HMCN1: variants seen among roughly 807,000 people sequenced by gnomAD.
The protein encoded by HMCN1 is hemicentin-1.
A neutral mutation model predicts 625.9 loss-of-function variants in HMCN1; 321 were observed. The observed-to-expected ratio is 0.51, with a 90% CI of 0.47 to 0.56. The LOEUF (loss-of-function observed/expected upper bound fraction) is 0.56. Among genes scored for constraint, HMCN1 ranks in the 20% least tolerant of loss-of-function variants. The pLI, the probability that HMCN1 is intolerant of heterozygous loss-of-function variation, is 0.00. For synonymous variants in HMCN1, 2,425 were observed against 2,417.6 expected (o/e 1.00, Z -0.09); for missense variants, 6,588 against 6,887.3 (o/e 0.96, Z 1.54).
At position 186,063,065 on chromosome 1, in the gene HMCN1, TGC is replaced by T. The variant is rs1491097914; in HGVS notation, c.7513+466_7513+467del. On this transcript the variant is annotated intron_variant, in intron 48 of 106. Transcript: ENST00000271588. ...GTGTGTGTGTGTGTGTGTGTGTGTG[TGC>T]ATATATATATATATATATATATATA... is the stretch of plus-strand genomic sequence containing the variant. Among the ~76,000 whole-genome samples, 545 of 81,498 alleles carry T rather than the reference TGC, an allele frequency of 6.7e-3. 2 individuals are homozygous for T. Among genetic ancestry groups the T allele is most frequent in the African/African-American group, 0.01 (202 of 19,770 alleles). 53.5% of individuals were successfully genotyped at this position (81,498 alleles called of 152,430 possible).
intron 11 of HMCN1, among the ~76,000 whole-genome samples, chr1:185,941,126 A>G (rs1038534844): frequency 7.9e-5 from 12 of 152,154 alleles, no homozygotes; most frequent in African/African-American, 2.9e-4. Flanking sequence ...AAGTGCTGAG[A>G]TTACAGGTGT....
intron 80 of HMCN1, among the ~76,000 whole-genome samples, chr1:186,121,350 A>G (rs1661388377): frequency 6.6e-6 from 1 of 152,130 alleles, no homozygotes; most frequent in South Asian, 2.1e-4. Flanking sequence ...GCTCTAGGTA[A>G]TGGTTTAGAG....
chr1:185,919,773 T>A (rs1382274481), intron 6 of HMCN1, among the ~76,000 whole-genome samples: 1 of 152,230 alleles, frequency 6.6e-6, no homozygotes, highest in Non-Finnish European at 1.5e-5. Flanking sequence ...TCTGTTACTT[T>A]GAGCAAGTCA....
At chr1:185,838,593 C>G (rs998886148) in intron 1 of HMCN1, among the ~76,000 whole-genome samples, 4 of 152,066 alleles carry the variant, frequency 2.6e-5, no homozygotes, top group Admixed American at 6.6e-5. Flanking sequence ...GAGGTGGGAA[C>G]ATGCATGAGC....
chr1:186,038,083 G>A (rs1369022253), intron 37 of HMCN1, 48 bp downstream of exon 37: 1 of 1,241,684 alleles, frequency 8.1e-7, no homozygotes, highest in African/African-American at 1.5e-5. Context: ...AGATTTCTGG[G>A]AATAACTGAA....
In HMCN1 at chr1:186,001,480, A is replaced by G. The variant is rs1046407135; in HGVS notation, c.4200+52A>G. ...AATTCCTTGCCTCTGCATCTGAAGT[A>G]GGTTGTTCAGATGTTCATTTCTTAC... On this transcript the variant is annotated intron_variant, in intron 27 of 106. Transcript: ENST00000271588. 8 of 1,604,190 alleles carry G rather than the reference A, an allele frequency of 5.0e-6. No individual in the cohort carries two copies. The African/African-American group carries it at 1.1e-4, about 21-fold the overall frequency.
At position 185,873,191 on chromosome 1, in the gene HMCN1, T is replaced by A. The variant is rs147249254; in HGVS notation, c.621+7328T>A. Among the ~76,000 whole-genome samples the A allele has an allele frequency of 9.2e-3, 1,405 of 152,288 alleles. 30 individuals are homozygous for A. The highest frequency in any genetic ancestry group is 0.033 in the African/African-American group (1,356 of 41,568). The stretch of plus-strand genomic sequence containing the variant: ...TAAAATATCAAGTTTGACTATGAGA[T>A]GTTAGAGATAACTGAATCAGTCAAT... On this transcript the variant is annotated intron_variant, in intron 4 of 106. Transcript: ENST00000271588.
chr1:185,980,218 GA>G (rs1426995410), intron 16 of HMCN1, among the ~76,000 whole-genome samples: 1 of 152,094 alleles, frequency 6.6e-6, no homozygotes, highest in African/African-American at 2.4e-5. Context: ...ATTGTCTACA[GA>G]ATATGAAGAT....
chr1:186,019,693 A>G lies in HMCN1; in HGVS notation c.5623A>G (p.Lys1875Glu), dbSNP rs1475764119. ...TGTGAACACTGCCCAAGGAAACCTT[A>G]AAGTAAGTGTAAATATTACTCAGCC... ...QPVNTAQGNL[K>E]IQSSGRVLQI... The change falls in exon 35 of 107, where the codon AAA becomes GAA. Residue 1875 changes from lysine to glutamate, a missense_variant and splice_region_variant. Physicochemically the swap from Lys to Glu is moderately conservative, Grantham distance 56. This residue lies in a region of HMCN1 where 4,628 missense variants were observed against 4,853.1 expected (regional missense o/e 0.95). Transcript: ENST00000271588. The G allele has an allele frequency of 6.2e-7, 1 of 1,611,004 alleles. No individual in the cohort carries two copies. The highest frequency in any genetic ancestry group is 1.7e-5 in the Admixed American group (1 of 59,888).
intron 29 of HMCN1, 74 bp from the exon 30 acceptor site, chr1:186,007,051 AATG>A (rs1653684903): frequency 9.1e-7 from 1 of 1,101,722 alleles, no homozygotes; most frequent in Non-Finnish European, 1.4e-6. Flanking sequence ...AGCCTGTACT[AATG>A]ATTTTTGTTG....
intron 1 of HMCN1, among the ~76,000 whole-genome samples, chr1:185,756,205 A>G (rs1005784541): frequency 3.9e-5 from 6 of 152,184 alleles, no homozygotes; most frequent in African/African-American, 1.4e-4. Context: ...TTTTGGGAGA[A>G]GAGACAGTTG....
chr1:186,022,984 C>A (rs1415228126), intron 35 of HMCN1, 46 bp from the exon 36 acceptor site: 2 of 1,588,206 alleles, frequency 1.3e-6, no homozygotes, highest in Admixed American at 1.7e-5. Flanking sequence ...TTTTCAAATC[C>A]AAGTATAAGA....
At chr1:185,888,557 A>G (rs1419797424) in intron 4 of HMCN1, among the ~76,000 whole-genome samples, 2 of 145,384 alleles carry the variant, frequency 1.4e-5, no homozygotes, top group Non-Finnish European at 3.0e-5. Flanking sequence ...ACCATTTATT[A>G]AAGAGGGAAT....
At chr1:186,055,794 A>G (rs1373251212) in intron 45 of HMCN1, 120 bp downstream of exon 45, 14 of 985,012 alleles carry the variant, frequency 1.4e-5, no homozygotes, top group Non-Finnish European at 2.1e-5. Context: ...TTTTAAACAT[A>G]TATACCTTTT....
At chr1:185,898,470 CTTTT>C in intron 4 of HMCN1, among the ~76,000 whole-genome samples, 1 of 151,368 alleles carries the variant, frequency 6.6e-6, no homozygotes, top group African/African-American at 2.4e-5. Flanking sequence ...TGTAAGCAGA[CTTTT>C]TTTTTAACTA....
rs111669236 is a variant in HMCN1, at chr1:185,977,842, T to C, written c.2427T>C (p.Asn809=). Residue 809 remains asparagine (N), a synonymous_variant, in exon 16 of 107, where the codon AAT becomes AAC. Transcript: ENST00000271588. ...PADVSMEIGS[N]VTLPCYVQGY... is the part of the protein sequence containing the mutation. ...ATGTGTCTATGGAAATTGGCTCAAA[T>C]GTGACATTACCTTGTTATGTTCAGG... The C allele has an allele frequency of 1.6e-5, 26 of 1,613,144 alleles. No homozygotes were observed. The highest frequency in any genetic ancestry group is 2.2e-5 in the Non-Finnish European group (26 of 1,179,430).
chr1:186,181,878 T>TA (rs549397625), intron 104 of HMCN1, among the ~76,000 whole-genome samples: 113 of 152,282 alleles, frequency 7.4e-4, no homozygotes, highest in African/African-American at 2.5e-3. Context: ...ATGTCACTCT[T>TA]ACTTAAGTAA....
chr1:186,136,617 A>G (rs1393385498), intron 86 of HMCN1, 51 bp from the exon 87 acceptor site: 20 of 1,578,348 alleles, frequency 1.3e-5, no homozygotes, highest in Non-Finnish European at 1.7e-5. Flanking sequence ...ATGATAAAAA[A>G]AAATGCTGTA....
At chr1:186,031,974 C>T (rs1013940351) in intron 36 of HMCN1, among the ~76,000 whole-genome samples, 4 of 151,694 alleles carry the variant, frequency 2.6e-5, no homozygotes, top group Admixed American at 6.6e-5. Context: ...TTCTAGGACC[C>T]CACATGGATA....
Sources: gnomAD v4.1 joint callset for allele counts (sites outside exome capture counted in the v4.1 genomes callset) on GRCh38, gnomAD v4.1.1 for gene constraint, gnomAD v4.1.1 regional missense constraint, MANE v1.5 for transcripts, NCBI Gene and HGNC (gene_info 2026-07-23, HGNC 2026-07-21) for gene names.